The following GNAQ variants were observed in gnomAD, a reference collection of about 807,000 sequenced individuals.
The protein encoded by GNAQ is G protein subunit alpha q, also known as guanine nucleotide-binding protein G(q) subunit alpha.
In GNAQ, 8 loss-of-function variants were observed where a neutral mutation model predicts 43.9. That is an observed-to-expected ratio of 0.18 (90% CI 0.11 to 0.33). GNAQ has a LOEUF of 0.33. Ranked by LOEUF, GNAQ falls within the 10% of genes least tolerant of loss-of-function variation. The probability of loss-of-function intolerance (pLI) is 1.00; values close to 1 mark genes in which losing one functional copy is unlikely to be tolerated. For missense variants in GNAQ, 158 were observed against 450.8 expected (o/e 0.35, Z 5.88); for synonymous variants, 155 against 170.7 (o/e 0.91, Z 0.71).
chr9:77,743,760 C>G (rs1825690672), intron 5 of GNAQ, among the ~76,000 whole-genome samples: 1 of 152,010 alleles, frequency 6.6e-6, no homozygotes, highest in Non-Finnish European at 1.5e-5. Flanking sequence ...ACAAAAACAT[C>G]TGAAATTCCC....
At chr9:77,797,029 T>C (rs1826669177) in intron 4 of GNAQ, among the ~76,000 whole-genome samples, 2 of 152,076 alleles carry the variant, frequency 1.3e-5, no homozygotes. Flanking sequence ...TACAAGTACA[T>C]CTCTCTCTTT....
chr9:78,019,923 C>CAAA (rs34222702), intron 1 of GNAQ, among the ~76,000 whole-genome samples: 21 of 94,062 alleles, frequency 2.2e-4, no homozygotes, highest in African/African-American at 5.4e-4. Flanking sequence ...GACTCCATCT[C>CAAA]AAAAAAAAAA....
intron 2 of GNAQ, among the ~76,000 whole-genome samples, chr9:77,900,316 A>G (rs980382819): frequency 2.0e-5 from 3 of 152,212 alleles, no homozygotes; most frequent in Non-Finnish European, 2.9e-5. Flanking sequence ...CTCCATCAGG[A>G]GACACTAAGA....
chr9:77,971,479 G>A (rs766695624), intron 1 of GNAQ, among the ~76,000 whole-genome samples: 8 of 152,096 alleles, frequency 5.3e-5, no homozygotes, highest in Non-Finnish European at 8.8e-5. Flanking sequence ...TTCAACATAC[G>A]CAAATCAATA....
Position 77,778,035 on chromosome 9 carries a change from G to T in GNAQ, c.735+16428C>A, listed in dbSNP as rs534746518. The stretch of plus-strand genomic sequence containing the variant: ...TATGTTCACAGAAAAAATTGTACAT[G>T]AATGTTCACAGCAACATTATTTGTA... On this transcript the variant is annotated intron_variant, in intron 5 of 6. Transcript: ENST00000286548. 3.9e-5 allele frequency among the ~76,000 whole-genome samples: 6 copies of T among 152,042 alleles called. No homozygotes were observed. In the South Asian group the frequency reaches 1.2e-3, roughly 32 times the overall value.
chr9:77,916,222 G>A (rs948576954), intron 2 of GNAQ, among the ~76,000 whole-genome samples: 3 of 152,142 alleles, frequency 2.0e-5, no homozygotes, highest in Non-Finnish European at 4.4e-5. Context: ...TCTGTTGCTT[G>A]CAAGCAGAGA....
intron 1 of GNAQ, among the ~76,000 whole-genome samples, chr9:77,968,774 T>A (rs4745678): frequency 0.4 from 61,410 of 152,092 alleles, 13,141 homozygotes; most frequent in Admixed American, 0.48. Context: ...GACACAATTA[T>A]GCCGGGGCTC....
chr9:77,870,324 GT>G (rs781464413), intron 2 of GNAQ, among the ~76,000 whole-genome samples: 8,502 of 111,126 alleles, frequency 0.077, 556 homozygotes, highest in African/African-American at 0.19. Context: ...TTTGGTGCTA[GT>G]TTTTTTTTTT....
At chr9:77,840,184 C>T (rs1254469535) in intron 2 of GNAQ, among the ~76,000 whole-genome samples, 2 of 152,130 alleles carry the variant, frequency 1.3e-5, no homozygotes, top group Non-Finnish European at 2.9e-5. Context: ...AATGGCTTCT[C>T]TAAAGATACA....
chr9:77,953,954 T>C (rs145243966), intron 1 of GNAQ, among the ~76,000 whole-genome samples: 2 of 152,304 alleles, frequency 1.3e-5, no homozygotes, highest in African/African-American at 2.4e-5. Context: ...AATTATCTAT[T>C]CCTATCAAAT....
At chr9:77,843,925 T>G (rs1033559473) in intron 2 of GNAQ, among the ~76,000 whole-genome samples, 1 of 152,144 alleles carries the variant, frequency 6.6e-6, no homozygotes, top group Non-Finnish European at 1.5e-5. Context: ...CTGGGTTCAT[T>G]ATCATATCAG....
In GNAQ at chr9:77,720,720, T is replaced by C. The variant is rs1271497779; in HGVS notation, c.*603A>G. 4.3e-6 allele frequency: 1 copy of C among 233,284 alleles called. No homozygotes were observed. The highest frequency in any genetic ancestry group is 8.5e-6 in the Non-Finnish European group (1 of 117,962). The allele number at this position is 233,284 out of a possible 1,614,324, so 14.5% of individuals were successfully genotyped here. ...CAAAGTGAGACAAGACAGTATATTCTATTAAAAAAGAAACTATGTGTGTAT... is the reference window on the plus strand; with the variant it reads ...CAAAGTGAGACAAGACAGTATATTCCATTAAAAAAGAAACTATGTGTGTAT... On this transcript the variant is annotated 3_prime_UTR_variant, in exon 7 of 7. Coordinates refer to ENST00000286548, the MANE Select transcript of GNAQ (RefSeq NM_002072.5).
chr9:78,025,782 TTAG>T (rs1823972088), intron 1 of GNAQ, among the ~76,000 whole-genome samples: 1 of 152,168 alleles, frequency 6.6e-6, no homozygotes, highest in Non-Finnish European at 1.5e-5. Context: ...TAACAGAATA[TTAG>T]TAGAATAACT....
At chr9:77,930,482 T>C (rs116548478) in intron 1 of GNAQ, among the ~76,000 whole-genome samples, 1,772 of 152,320 alleles carry the variant, frequency 0.012, 29 homozygotes, top group African/African-American at 0.04. Flanking sequence ...ATGCATAAAT[T>C]TGCACTATGA....
At chr9:77,723,353 G>C (rs1825348279) in intron 6 of GNAQ, among the ~76,000 whole-genome samples, 1 of 152,166 alleles carries the variant, frequency 6.6e-6, no homozygotes, top group African/African-American at 2.4e-5. Flanking sequence ...GCTAAACATA[G>C]AATAACCATA....
chr9:78,000,765 T>C (rs772405459), intron 1 of GNAQ, among the ~76,000 whole-genome samples: 2 of 152,200 alleles, frequency 1.3e-5, no homozygotes, highest in Non-Finnish European at 2.9e-5. Flanking sequence ...TAGCAAGTTC[T>C]TACTATTCAT....
chr9:77,829,004 A>G (rs2118547284), intron 2 of GNAQ, among the ~76,000 whole-genome samples: 1 of 152,328 alleles, frequency 6.6e-6, no homozygotes, highest in African/African-American at 2.4e-5. Flanking sequence ...TTTCCTCGTC[A>G]TGCCTCACAT....
At chr9:77,799,537 A>G (rs1247983850) in intron 3 of GNAQ, among the ~76,000 whole-genome samples, 2 of 152,196 alleles carry the variant, frequency 1.3e-5, no homozygotes, top group African/African-American at 2.4e-5. Flanking sequence ...AGCATTATTT[A>G]AATAGCATTC....
intron 2 of GNAQ, among the ~76,000 whole-genome samples, chr9:77,915,173 CAT>C (rs966357246): frequency 2.0e-5 from 3 of 152,190 alleles, no homozygotes; most frequent in Non-Finnish European, 2.9e-5. Flanking sequence ...AAGAAATTCA[CAT>C]GTTAAAAATA....
Sources: gnomAD v4.1 joint callset for allele counts (sites outside exome capture counted in the v4.1 genomes callset) on GRCh38, gnomAD v4.1.1 for gene constraint, MANE v1.5 for transcripts, NCBI Gene and HGNC (gene_info 2026-07-23, HGNC 2026-07-21) for gene names.